The following ABCB11 variants were observed in gnomAD, a reference collection of about 807,000 sequenced individuals.
ABCB11 encodes bile salt export pump.
ABCB11 carries 95 observed loss-of-function variants against 148.0 expected under a neutral mutation model. That is an observed-to-expected ratio of 0.64 (90% confidence interval 0.54 to 0.76). The LOEUF is 0.76. ABCB11 is among the 30% of genes least tolerant of loss of function. The pLI is 0.00. For missense variants in ABCB11, 1,523 were observed against 1,617.8 expected (o/e 0.94, Z 1.01); for synonymous variants, 591 against 555.4 (o/e 1.06, Z -0.90).
intron 1 of ABCB11, among the ~76,000 whole-genome samples, chr2:169,022,320 C>T (rs898210409): frequency 2.6e-5 from 4 of 151,680 alleles, no homozygotes; most frequent in African/African-American, 7.2e-5. Flanking sequence ...TAAAAACATG[C>T]AAGTCAATAA....
intron 19 of ABCB11, among the ~76,000 whole-genome samples, chr2:168,949,280 C>T (rs541538461): frequency 6.6e-6 from 1 of 151,648 alleles, no homozygotes; most frequent in African/African-American, 2.4e-5. Flanking sequence ...GAAGTCTGGG[C>T]TTTTAGTGCA....
At chr2:168,929,636 G>A (rs1457140110) in intron 25 of ABCB11, among the ~76,000 whole-genome samples, 2 of 152,126 alleles carry the variant, frequency 1.3e-5, no homozygotes, top group Non-Finnish European at 2.9e-5. Flanking sequence ...AGAAGTAAGA[G>A]GTGAAAAGAG....
At chr2:169,030,766 G>A (rs570728606) in intron 1 of ABCB11, among the ~76,000 whole-genome samples, 31 of 152,042 alleles carry the variant, frequency 2.0e-4, no homozygotes, top group Non-Finnish European at 3.4e-4. Context: ...AAATGAGTAC[G>A]GTGTTGGAGA....
intron 12 of ABCB11, among the ~76,000 whole-genome samples, chr2:168,974,489 G>A (rs1000722529): frequency 1.3e-5 from 2 of 151,876 alleles, no homozygotes; most frequent in Non-Finnish European, 2.9e-5. Context: ...ATGTGGTTTG[G>A]GGTCCTCTGT....
chr2:169,005,521 G>T (rs888602302), intron 5 of ABCB11, among the ~76,000 whole-genome samples: 1 of 152,064 alleles, frequency 6.6e-6, no homozygotes, highest in Non-Finnish European at 1.5e-5. Context: ...CACTCAGCCC[G>T]CAGTACTAGA....
Position 169,013,299 on chromosome 2 carries a change from T to C in ABCB11, c.362A>G (p.Gln121Arg), listed in dbSNP as rs1347160944. 1 of 1,613,070 alleles carries C rather than the reference T, an allele frequency of 6.2e-7. No individual in the cohort carries two copies. The highest frequency in any genetic ancestry group is 8.5e-7 in the Non-Finnish European group (1 of 1,179,368). The change falls in exon 5 of 28, where the codon CAG becomes CGG. Residue 121 changes from glutamine to arginine, a missense_variant. Physicochemically the swap from Gln to Arg is conservative, Grantham distance 43. Transcript: ENST00000650372. ...ACAACGTGTTCCATTTGTCATGTTC[T>C]GGTTGAGGGAACTGTTAGTCCATAC... ...TIVWTNSSLN[Q>R]NMTNGTRCGL...
intron 19 of ABCB11, among the ~76,000 whole-genome samples, chr2:168,953,622 T>A (rs75392236): frequency 0.031 from 4,761 of 151,222 alleles, 237 homozygotes; most frequent in African/African-American, 0.11. Context: ...AGCATTTAGT[T>A]GGATTATTTT....
chr2:168,958,268 T>G (rs1331562752), intron 18 of ABCB11, 140 bp from the exon 19 acceptor site: 3 of 743,418 alleles, frequency 4.0e-6, no homozygotes, highest in Non-Finnish European at 6.3e-6. Flanking sequence ...TATGGTTGTT[T>G]GTTATTTTTT....
At position 168,922,384 on chromosome 2, in the gene ABCB11, T is replaced by A. The variant is rs1172470070; in HGVS notation, c.*1238A>T. ...CGCTGGAACTGGGGAAAGGCAGCCA[T>A]CCTGCTGCAGGCGGGGCTCTGCAAT... is the stretch of plus-strand genomic sequence containing the variant. On this transcript the variant is annotated 3_prime_UTR_variant, in exon 28 of 28. Transcript: ENST00000650372. Among the ~76,000 whole-genome samples the A allele has an allele frequency of 6.6e-6, 1 of 152,158 alleles. No individual in the cohort carries two copies. The highest frequency in any genetic ancestry group is 1.5e-5 in the Non-Finnish European group (1 of 68,032).
At chr2:169,024,132 C>T (rs373797449) in intron 1 of ABCB11, among the ~76,000 whole-genome samples, 1 of 152,070 alleles carries the variant, frequency 6.6e-6, no homozygotes, top group African/African-American at 2.4e-5. Context: ...TGCAGCAAAC[C>T]ACCATGGCAC....
Position 168,930,837 on chromosome 2 carries a change from A to C in ABCB11, c.3239T>G (p.Phe1080Cys), listed in dbSNP as rs1370587865. The C allele has an allele frequency of 6.2e-7, 1 of 1,606,144 alleles. No individual in the cohort carries two copies. Among genetic ancestry groups the C allele is most frequent in the African/African-American group, 1.3e-5 (1 of 74,814 alleles). ...KWDNFQGKID[F>C]VDCKFTYPSR... is the part of the protein sequence containing the mutation. ...AGGATATGTAAATTTACAATCAACA[A>C]AATCAATCTTCCCCTGGAAGTTGTC... Residue 1080 changes from phenylalanine (F) to cysteine (C), a missense_variant, in exon 25 of 28, where the codon TTT (phenylalanine) becomes TGT (cysteine). By Grantham distance (205) the Phe-to-Cys change is radical. Coordinates refer to ENST00000650372, the MANE Select transcript of ABCB11 (RefSeq NM_003742.4).
intron 25 of ABCB11, among the ~76,000 whole-genome samples, chr2:168,929,820 G>A: frequency 6.6e-6 from 1 of 152,148 alleles, no homozygotes; most frequent in East Asian, 1.9e-4. Flanking sequence ...GTAGGCAAAA[G>A]GAGGGAGTGG....
chr2:169,013,701 A>C (rs1695266331), intron 4 of ABCB11, among the ~76,000 whole-genome samples, 191 bp from the exon 5 acceptor site: 1 of 152,154 alleles, frequency 6.6e-6, no homozygotes, highest in Non-Finnish European at 1.5e-5. Flanking sequence ...CAATTATCTA[A>C]AACATTAGAC....
chr2:168,986,429 A>C, intron 9 of ABCB11, 145 bp from the exon 10 acceptor site: 1 of 704,700 alleles, frequency 1.4e-6, no homozygotes, highest in Non-Finnish European at 2.4e-6. Flanking sequence ...AATCTCCAAT[A>C]ACCTTTATGT....
At chr2:168,961,997 C>G (rs892041306) in intron 18 of ABCB11, among the ~76,000 whole-genome samples, 12 of 151,670 alleles carry the variant, frequency 7.9e-5, no homozygotes, top group Non-Finnish European at 1.6e-4. Flanking sequence ...AATACCAAAA[C>G]AGAGCAACAT....
chr2:169,017,931 A>G (rs1695413909), intron 2 of ABCB11, 119 bp downstream of exon 2: 5 of 844,062 alleles, frequency 5.9e-6, no homozygotes, highest in Non-Finnish European at 1.0e-5. Flanking sequence ...ATCACACACA[A>G]TGATACTTCT....
At chr2:169,009,388 C>T (rs1695113131) in intron 5 of ABCB11, among the ~76,000 whole-genome samples, 1 of 151,934 alleles carries the variant, frequency 6.6e-6, no homozygotes, top group Non-Finnish European at 1.5e-5. Context: ...CCATGGAATA[C>T]TATGCAGCCA....
At chr2:169,027,578 G>A (rs993808583) in intron 1 of ABCB11, among the ~76,000 whole-genome samples, 1 of 152,190 alleles carries the variant, frequency 6.6e-6, no homozygotes, top group Non-Finnish European at 1.5e-5. Context: ...GGGGAGGAGG[G>A]GATGGGGAAG....
At chr2:168,961,262 C>T (rs565891968) in intron 18 of ABCB11, among the ~76,000 whole-genome samples, 75 of 151,864 alleles carry the variant, frequency 4.9e-4, no homozygotes, top group Admixed American at 1.8e-3. Flanking sequence ...GGAAAAATAA[C>T]CTCCGACTTA....
Sources: allele counts gnomAD v4.1 joint callset (sites outside exome capture counted in the v4.1 genomes callset), GRCh38; gene constraint gnomAD v4.1.1; transcripts MANE v1.5; gene names NCBI Gene and HGNC (gene_info 2026-07-23, HGNC 2026-07-21).